TSEN2: variants seen among roughly 807,000 people sequenced by gnomAD.
The protein encoded by TSEN2 is tRNA-splicing endonuclease subunit Sen2.
In TSEN2, 54 loss-of-function variants were observed where a neutral mutation model predicts 59.2. The observed-to-expected ratio is 0.91, with a 90% CI of 0.73 to 1.14. The LOEUF (loss-of-function observed/expected upper bound fraction) is 1.14, where lower values mean the gene tolerates loss of function less well. Among genes scored for constraint, TSEN2 ranks in the 50% most tolerant of loss-of-function variants. The pLI, the probability that TSEN2 is intolerant of heterozygous loss-of-function variation, is 0.00. For missense variants in TSEN2, 636 were observed against 576.2 expected, an observed-to-expected ratio of 1.10 and a Z score of -1.06; for synonymous variants, 195 against 198.2, an observed-to-expected ratio of 0.98 and a Z score of 0.14.
chr3:12,488,219 A>G (rs1276440298), intron 1 of TSEN2, among the ~76,000 whole-genome samples: 1 of 152,176 alleles, frequency 6.6e-6, no homozygotes. Context: ...ATCCCTTGCC[A>G]ATGGGATGCA....
intron 1 of TSEN2, among the ~76,000 whole-genome samples, chr3:12,486,411 T>TC (rs1160642105): frequency 1.3e-5 from 2 of 152,188 alleles, no homozygotes; most frequent in African/African-American, 2.4e-5. Flanking sequence ...CTTGAATTTT[T>TC]CCCCCTGGGG....
chr3:12,523,992 C>T (rs937485129), intron 8 of TSEN2, among the ~76,000 whole-genome samples: 4 of 152,246 alleles, frequency 2.6e-5, no homozygotes, highest in Non-Finnish European at 5.9e-5. Flanking sequence ...CATTCTCCTA[C>T]ATACCATGTA....
chr3:12,530,314 CTGT>C, intron 10 of TSEN2: 3 of 989,954 alleles, frequency 3.0e-6, no homozygotes, highest in Non-Finnish European at 3.6e-6. Flanking sequence ...CTTTCCCACC[CTGT>C]TGTTATCCTC....
At chr3:12,527,456 CTTTTTTTT>C (rs757613935) in intron 8 of TSEN2, among the ~76,000 whole-genome samples, 1 of 132,094 alleles carries the variant, frequency 7.6e-6, no homozygotes, top group Non-Finnish European at 1.6e-5. Context: ...TTTTTTTTTT[CTTTTTTTT>C]TTTTTTTGAG....
At chr3:12,501,953 T>G (rs78374458) in intron 4 of TSEN2, among the ~76,000 whole-genome samples, 1,936 of 152,362 alleles carry the variant, frequency 0.013, 20 homozygotes, top group Non-Finnish European at 0.022. Context: ...TATAATTTTT[T>G]GTAACTTGGG....
downstream of TSEN2, among the ~76,000 whole-genome samples, chr3:12,533,926 T>G (rs936784101): frequency 6.6e-6 from 1 of 152,162 alleles, no homozygotes; most frequent in African/African-American, 2.4e-5. Context: ...CAGATGCCTG[T>G]GTATTTATCC....
At chr3:12,506,591 A>C in intron 6 of TSEN2, 3 of 699,070 alleles carry the variant, frequency 4.3e-6, no homozygotes, top group Non-Finnish European at 5.3e-6. Context: ...AAAAAAAAAA[A>C]AAAAGTGGCT....
intron 6 of TSEN2, among the ~76,000 whole-genome samples, chr3:12,512,047 C>A (rs1442112586): frequency 6.6e-6 from 1 of 152,158 alleles, no homozygotes; most frequent in Non-Finnish European, 1.5e-5. Flanking sequence ...TCTTGGCATT[C>A]CTCAGTTTCC....
intron 6 of TSEN2, among the ~76,000 whole-genome samples, chr3:12,516,282 C>T (rs962878655): frequency 3.3e-5 from 5 of 152,012 alleles, no homozygotes; most frequent in South Asian, 4.1e-4. Context: ...AAAAATTAGC[C>T]GGGCGTGGCG....
rs190177056 is a variant in TSEN2 at position 12,515,329 on chromosome 3, C to A, written c.910-1282C>A. Among the ~76,000 whole-genome samples, 6 of 152,304 alleles carry A rather than the reference C, an allele frequency of 3.9e-5. No individual in the cohort carries two copies. The East Asian group carries it at 1.2e-3, about 29-fold the overall frequency. ...TCAGTGCGTTGTTGCTGCACACAAGCCTCAAAGCTTATGACAGGGAGGGGA... is the reference window on the plus strand; with the variant it reads ...TCAGTGCGTTGTTGCTGCACACAAGACTCAAAGCTTATGACAGGGAGGGGA... On this transcript the variant is annotated intron_variant, in intron 6 of 11. Transcript: ENST00000284995.
chr3:12,535,047 CTT>C (rs551859753), downstream of TSEN2, among the ~76,000 whole-genome samples: 14 of 152,088 alleles, frequency 9.2e-5, no homozygotes, highest in South Asian at 2.5e-3. Context: ...AAAAATTTGT[CTT>C]AATCATTTTA....
chr3:12,499,275 T>C (rs1477750469), intron 4 of TSEN2, among the ~76,000 whole-genome samples: 1 of 152,200 alleles, frequency 6.6e-6, no homozygotes, highest in African/African-American at 2.4e-5. Context: ...CTGATGGTCG[T>C]GCTGGTTGCC....
At chr3:12,508,935 A>C (rs1246563812) in intron 6 of TSEN2, among the ~76,000 whole-genome samples, 1 of 152,094 alleles carries the variant, frequency 6.6e-6, no homozygotes, top group Non-Finnish European at 1.5e-5. Context: ...ATCATAGCTC[A>C]CTGAAGCCTC....
chr3:12,501,799 A>G (rs76295892), intron 4 of TSEN2, among the ~76,000 whole-genome samples: 3,742 of 152,304 alleles, frequency 0.025, 67 homozygotes, highest in South Asian at 0.06. Context: ...CTTTCAGACT[A>G]ATCACTGAAG....
chr3:12,537,496 T>C (rs1443737627), downstream of TSEN2, among the ~76,000 whole-genome samples: 1 of 152,248 alleles, frequency 6.6e-6, no homozygotes, highest in African/African-American at 2.4e-5. Flanking sequence ...AGCTGACTTT[T>C]ATTGTTTACC....
At chr3:12,514,062 C>T (rs1461266342) in intron 6 of TSEN2, among the ~76,000 whole-genome samples, 4 of 152,168 alleles carry the variant, frequency 2.6e-5, no homozygotes, top group Admixed American at 2.6e-4. Flanking sequence ...TCTGTTCTGC[C>T]AGAGTTTACA....
At chr3:12,532,611 T>C in intron 11 of TSEN2, 51 bp from the exon 12 acceptor site, 2 of 1,581,060 alleles carry the variant, frequency 1.3e-6, no homozygotes, top group East Asian at 4.5e-5. Flanking sequence ...GGTGTCAGAA[T>C]GGTCTTACAT....
chr3:12,531,852 A>G lies in TSEN2; in HGVS notation c.1338+193A>G, dbSNP rs148046174. Among the ~76,000 whole-genome samples, 350 of 152,184 alleles carry G rather than the reference A, an allele frequency of 2.3e-3. 1 individual carries two copies. Among genetic ancestry groups the G allele is most frequent in the Admixed American group, 3.4e-3 (52 of 15,294 alleles). The stretch of plus-strand genomic sequence containing the variant: ...CACGAAATCTATGCTGACTTCCTCT[A>G]TTCCTTAATTCCCCACTTTATTACC... On this transcript the variant is annotated intron_variant, in intron 11 of 11. Transcript: ENST00000284995.
rs909719092 is a variant in TSEN2, at chr3:12,523,066, T to C, written c.1099+3869T>C. On this transcript the variant is annotated intron_variant, in intron 8 of 11. Coordinates refer to ENST00000284995, the MANE Select transcript of TSEN2 (RefSeq NM_025265.4). ...AGGGTTAGGTAAGTTGCTGGAGTAC[T>C]TAACAGCTCGTTAAGTACACAGATT... Among the ~76,000 whole-genome samples the C allele has an allele frequency of 3.3e-5, 5 of 152,330 alleles. No individual in the cohort carries two copies. The East Asian group carries it at 9.6e-4, about 29-fold the overall frequency.
Sources: allele counts gnomAD v4.1 joint callset (sites outside exome capture counted in the v4.1 genomes callset), GRCh38; gene constraint gnomAD v4.1.1; transcripts MANE v1.5; gene names NCBI Gene and HGNC (gene_info 2026-07-23, HGNC 2026-07-21).